Variants in PDE4DIP observed in about 807,000 individuals in gnomAD.
PDE4DIP encodes the protein myomegalin.
In PDE4DIP, 59 loss-of-function variants were observed where a neutral mutation model predicts 221.4. That is an observed-to-expected ratio of 0.27 (90% CI 0.22 to 0.33). The LOEUF (loss-of-function observed/expected upper bound fraction) is 0.33, where lower values mean the gene tolerates loss of function less well. PDE4DIP is among the 10% of genes least tolerant of loss of function. The pLI is 1.00. For synonymous variants in PDE4DIP, 404 were observed against 815.9 expected (o/e 0.50, Z 8.60); for missense variants, 1,036 against 2,154.2 (o/e 0.48, Z 10.28).
At chr1:148,998,664 A>C (rs2064883661) in intron 23 of PDE4DIP, among the ~76,000 whole-genome samples, 2 of 148,022 alleles carry the variant, frequency 1.4e-5, no homozygotes, top group African/African-American at 5.0e-5. Context: ...AAAACGTATA[A>C]GGAATCCCTG....
intron 21 of PDE4DIP, chr1:148,984,132 C>T (rs1351005491): frequency 6.6e-6 from 1 of 151,988 alleles, no homozygotes; most frequent in Non-Finnish European, 1.5e-5. Context: ...TATAAATCAA[C>T]ATTCATCTGA....
In PDE4DIP at chr1:149,030,727, G is replaced by A. The variant is rs368069146; in HGVS notation, c.6999+449G>A. 170 of 985,168 alleles carry A rather than the reference G, an allele frequency of 1.7e-4. 2 individuals carry two copies. The African/African-American group carries it at 2.6e-3, about 15-fold the overall frequency. 61.0% of individuals were successfully genotyped at this position (985,168 alleles called of 1,614,324 possible). Reference sequence around the variant, plus strand: ...TAAACTGATTTCACTGCACATTCCCGGGTTAAGAACAGCAATTTGATTTTG... The same window carrying A: ...TAAACTGATTTCACTGCACATTCCCAGGTTAAGAACAGCAATTTGATTTTG... On this transcript the variant is annotated intron_variant, in intron 43 of 43. Transcript: ENST00000369354.
intron 5 of PDE4DIP, chr1:148,953,851 C>T (rs146794325): frequency 8.7e-6 from 14 of 1,603,524 alleles, no homozygotes; most frequent in Non-Finnish European, 1.2e-5. Context: ...AGCTTTCAGA[C>T]CTGCAGGAGC....
chr1:148,954,217 C>G (rs1220566736), intron 5 of PDE4DIP, among the ~76,000 whole-genome samples: 14 of 152,076 alleles, frequency 9.2e-5, no homozygotes, highest in African/African-American at 2.7e-4. Flanking sequence ...AATCTCATTT[C>G]TGGCACTAGA....
intron 43 of PDE4DIP, chr1:149,030,799 G>T (rs1447880744): frequency 1.2e-4 from 121 of 983,336 alleles, no homozygotes; most frequent in Middle Eastern, 1.0e-3. Context: ...GGGTCTCATT[G>T]GTCTAAAAGC....
At chr1:148,933,592 C>T (rs2048544721) in intron 4 of PDE4DIP, among the ~76,000 whole-genome samples, 1 of 152,110 alleles carries the variant, frequency 6.6e-6, no homozygotes, top group South Asian at 2.1e-4. Context: ...AATTTAGCCT[C>T]TTAGGTGCAT....
In PDE4DIP at chr1:148,979,725, T is replaced by C; in HGVS notation, c.2575-12T>C. 2 of 1,611,516 alleles carry C rather than the reference T, an allele frequency of 1.2e-6. No individual in the cohort carries two copies. Among genetic ancestry groups the C allele is most frequent in the Non-Finnish European group, 1.7e-6 (2 of 1,178,294 alleles). ...CCATTTGCGTATTGCTTCCTCTCTCTTCTTTACTCAGTTGCTGCTGATGCT... is the reference window on the plus strand; with the variant it reads ...CCATTTGCGTATTGCTTCCTCTCTCCTCTTTACTCAGTTGCTGCTGATGCT... On this transcript the variant is annotated splice_polypyrimidine_tract_variant and intron_variant, in intron 19 of 43. Transcript: ENST00000369354.
At chr1:149,023,114 C>A (rs1278360708) in intron 37 of PDE4DIP, among the ~76,000 whole-genome samples, 2 of 152,236 alleles carry the variant, frequency 1.3e-5, no homozygotes, top group African/African-American at 4.8e-5. Context: ...TTCTCCCTGC[C>A]TTTTAGGACT....
chr1:148,999,882 CAAG>C (rs10527294), intron 23 of PDE4DIP, among the ~76,000 whole-genome samples: 1,918 of 151,646 alleles, frequency 0.013, 46 homozygotes, highest in African/African-American at 0.045. Context: ...TTCTTCCTTT[CAAG>C]AAGGTTTTGT....
chr1:148,994,640 T>G (rs1553563194), intron 22 of PDE4DIP, among the ~76,000 whole-genome samples: 1 of 152,196 alleles, frequency 6.6e-6, no homozygotes, highest in Non-Finnish European at 1.5e-5. Context: ...AATTACATAT[T>G]CATAAACTTA....
At chr1:149,022,444 A>G (rs587670426) in intron 37 of PDE4DIP, among the ~76,000 whole-genome samples, 377 of 152,216 alleles carry the variant, frequency 2.5e-3, no homozygotes, top group Non-Finnish European at 4.3e-3. Context: ...GTCCCTCCAG[A>G]AGGCTAAACA....
intron 1 of PDE4DIP, among the ~76,000 whole-genome samples, chr1:148,906,639 AT>A (rs1218218247): frequency 7.6e-5 from 3 of 39,562 alleles, no homozygotes; most frequent in Non-Finnish European, 1.5e-4. Context: ...GGTTTTATAA[AT>A]TTGGGAGCTC....
At position 148,963,792 on chromosome 1, in the gene PDE4DIP, C is replaced by T. The variant is rs782141728; in HGVS notation, c.1194+1152C>T. Among the ~76,000 whole-genome samples, 70 of 94,094 alleles carry T rather than the reference C, an allele frequency of 7.4e-4. 1 individual carries two copies. Among genetic ancestry groups the T allele is most frequent in the African/African-American group, 2.8e-3 (62 of 21,992 alleles). 61.7% of individuals were successfully genotyped at this position (94,094 alleles called of 152,430 possible). On this transcript the variant is annotated intron_variant, in intron 9 of 43. Transcript: ENST00000369354. ...TTTTTGAGACAGAGTCTCGCTCTGT[C>T]GCCCAGGCTGGAGTACAGTGGCGCG... is the stretch of plus-strand genomic sequence containing the variant.
At position 148,827,701 on chromosome 1, in the gene PDE4DIP, T is replaced by TTGTG. The variant is rs68053242; in HGVS notation, c.233+18986_233+18989dup. Among the ~76,000 whole-genome samples the TTGTG allele has an allele frequency of 2.0e-3, 233 of 115,114 alleles. 8 individuals are homozygous for TTGTG. Among genetic ancestry groups the TTGTG allele is most frequent in the African/African-American group, 4.7e-3 (171 of 36,098 alleles). The allele number at this position is 115,114 out of a possible 152,430, so 75.5% of individuals were successfully genotyped here. A position where few individuals can be genotyped will look rare whatever the true frequency, so the allele number is the denominator to read the frequency against. Reference sequence around the variant, plus strand: ...AATACTAATGATTGTGTCTGTGTGCTTGTGTGTGTGTGTGTGTGTGTGTGT... The same window carrying TTGTG: ...AATACTAATGATTGTGTCTGTGTGCTTGTGTGTGTGTGTGTGTGTGTGTGTGTGT... On this transcript the variant is annotated intron_variant, in intron 1 of 45. Coordinates refer to the PDE4DIP transcript ENST00000524974.
chr1:148,963,748 CTTTTTTTTTTTTTT>C (rs66921099), intron 9 of PDE4DIP, among the ~76,000 whole-genome samples: 187 of 89,184 alleles, frequency 2.1e-3, no homozygotes, highest in African/African-American at 8.4e-3. Flanking sequence ...TTCTTTCCTT[CTTTTTTTTTTTTTT>C]TTTTTTTTTG....
At chr1:148,968,727 C>T (rs1282084284) in intron 13 of PDE4DIP, 109 bp from the exon 17 acceptor site, 1 of 654,284 alleles carries the variant, frequency 1.5e-6, no homozygotes, top group Non-Finnish European at 2.6e-6. Flanking sequence ...GATACTTATT[C>T]TCAAGAATCT....
chr1:148,980,656 A>T (rs1318833444), intron 20 of PDE4DIP, among the ~76,000 whole-genome samples: 2 of 151,468 alleles, frequency 1.3e-5, no homozygotes, highest in African/African-American at 4.9e-5. Flanking sequence ...TATTATTATT[A>T]TTTTTGCTAT....
chr1:148,968,928 G>A, exon 14 of PDE4DIP: 1 of 1,613,356 alleles, frequency 6.2e-7, no homozygotes, highest in Non-Finnish European at 8.5e-7. Context: ...AGGAAAGGAT[G>A]CTGCAGGACC....
intron 14 of PDE4DIP, among the ~76,000 whole-genome samples, chr1:148,970,687 G>A (rs1237883450): frequency 1.3e-5 from 2 of 152,166 alleles, no homozygotes; most frequent in Non-Finnish European, 2.9e-5. Context: ...CTGCATTGGA[G>A]GAGCACTGCT....
Sources: gnomAD v4.1 joint callset for allele counts (sites outside exome capture counted in the v4.1 genomes callset) on GRCh38, gnomAD v4.1.1 for gene constraint, MANE v1.5 for transcripts, NCBI Gene and HGNC (gene_info 2026-07-23, HGNC 2026-07-21) for gene names.